DPP6: variants seen among roughly 807,000 people sequenced by gnomAD.
The protein encoded by DPP6 is dipeptidyl peptidase like 6.
A neutral mutation model predicts 122.6 loss-of-function variants in DPP6; 69 were observed. That is an observed-to-expected ratio of 0.56 (90% confidence interval 0.46 to 0.69). The LOEUF is 0.69. DPP6 is among the 30% of genes least tolerant of loss of function. The pLI, the probability that DPP6 is intolerant of heterozygous loss-of-function variation, is 0.00. For missense variants in DPP6, 928 were observed against 1,116.9 expected, an observed-to-expected ratio of 0.83 and a Z score of 2.41; for synonymous variants, 418 against 433.1, an observed-to-expected ratio of 0.97 and a Z score of 0.43.
At chr7:153,929,720 T>A (rs938579576) in intron 1 of DPP6, among the ~76,000 whole-genome samples, 9 of 152,186 alleles carry the variant, frequency 5.9e-5, no homozygotes, top group African/African-American at 2.2e-4. Flanking sequence ...TTCTCTGTAT[T>A]ACTAATTTTT....
chr7:154,399,139 T>A (rs1269259632), intron 1 of DPP6, among the ~76,000 whole-genome samples: 1 of 152,204 alleles, frequency 6.6e-6, no homozygotes, highest in East Asian at 1.9e-4. Flanking sequence ...CAATGAATCT[T>A]TAGATTCTGG....
intron 1 of DPP6, among the ~76,000 whole-genome samples, chr7:154,433,292 C>T (rs369329833): frequency 6.6e-6 from 1 of 151,518 alleles, no homozygotes; most frequent in East Asian, 2.0e-4. Flanking sequence ...ACAGGGACTA[C>T]AGGTGCATGC....
chr7:154,047,501 G>C (rs1366828533), upstream of DPP6, among the ~76,000 whole-genome samples: 1 of 148,510 alleles, frequency 6.7e-6, no homozygotes, highest in Non-Finnish European at 1.5e-5. Flanking sequence ...ATGGTCAAAT[G>C]ATCACCAGGG....
intron 1 of DPP6, among the ~76,000 whole-genome samples, chr7:154,054,902 G>C (rs1030767020): frequency 1.3e-5 from 2 of 151,324 alleles, no homozygotes; most frequent in African/African-American, 4.9e-5. Context: ...TATTTCAGAT[G>C]ATCTCCATCT....
chr7:153,867,081 C>T, the DPP6 span, among the ~76,000 whole-genome samples: 52,151 of 151,976 alleles, frequency 0.34, 9,017 homozygotes, highest in Middle Eastern at 0.39. Flanking sequence ...AGTCAGGTAG[C>T]GTGATGCCTC....
intron 5 of DPP6, among the ~76,000 whole-genome samples, chr7:154,619,594 C>T (rs766200334): frequency 3.2e-4 from 49 of 152,174 alleles, no homozygotes; most frequent in Middle Eastern, 3.4e-3. Context: ...CATAACAATA[C>T]AGGTAAAAAT....
At chr7:154,171,261 C>T (rs957355773) in intron 1 of DPP6, among the ~76,000 whole-genome samples, 10 of 152,188 alleles carry the variant, frequency 6.6e-5, no homozygotes, top group Admixed American at 2.0e-4. Flanking sequence ...GCCAAATATA[C>T]GCTTCAACAA....
intron 1 of DPP6, among the ~76,000 whole-genome samples, chr7:154,413,136 A>G (rs1166916163): frequency 6.6e-6 from 1 of 152,194 alleles, no homozygotes; most frequent in Non-Finnish European, 1.5e-5. Context: ...GCTGCCCTAA[A>G]GTGGTCCTCG....
At chr7:154,285,731 A>T (rs531956189) in intron 1 of DPP6, among the ~76,000 whole-genome samples, 1 of 152,362 alleles carries the variant, frequency 6.6e-6, no homozygotes, top group South Asian at 2.1e-4. Context: ...GAGAAAAGGT[A>T]TTGATATCAC....
At chr7:154,730,431 C>G (rs1842281617) in intron 8 of DPP6, among the ~76,000 whole-genome samples, 1 of 152,154 alleles carries the variant, frequency 6.6e-6, no homozygotes, top group Non-Finnish European at 1.5e-5. Context: ...TTCCTGAGGA[C>G]TGTGTGAGAC....
intron 1 of DPP6, among the ~76,000 whole-genome samples, chr7:154,443,640 A>G (rs569888047): frequency 1.3e-5 from 2 of 148,160 alleles, no homozygotes; most frequent in Admixed American, 1.3e-4. Flanking sequence ...ATGTGGATGG[A>G]TGGATGGATG....
intron 1 of DPP6, among the ~76,000 whole-genome samples, chr7:154,315,583 A>G (rs1327781217): frequency 6.6e-6 from 1 of 152,096 alleles, no homozygotes; most frequent in African/African-American, 2.4e-5. Flanking sequence ...TCAGTGCTCA[A>G]AGCTTACATA....
chr7:154,886,777 G>A (rs192070538), intron 22 of DPP6, among the ~76,000 whole-genome samples: 53 of 152,306 alleles, frequency 3.5e-4, no homozygotes, highest in African/African-American at 1.1e-3. Flanking sequence ...TGTGCTGGCC[G>A]AGCCCTGTAG....
intron 10 of DPP6, among the ~76,000 whole-genome samples, chr7:154,782,404 T>TA (rs1389105252): frequency 6.6e-6 from 1 of 152,238 alleles, no homozygotes; most frequent in Non-Finnish European, 1.5e-5. Context: ...TTGCGTCTTT[T>TA]AGCACTCAGC....
chr7:154,715,983 G>T (rs560409718), intron 7 of DPP6, among the ~76,000 whole-genome samples: 1 of 152,086 alleles, frequency 6.6e-6, no homozygotes, highest in South Asian at 2.1e-4. Context: ...TAGGTGTGAG[G>T]ATGAGAAATC....
intron 3 of DPP6, among the ~76,000 whole-genome samples, chr7:154,531,848 T>A (rs1439648230): frequency 6.6e-6 from 1 of 152,052 alleles, no homozygotes; most frequent in African/African-American, 2.4e-5. Flanking sequence ...TTCTGGACTT[T>A]GAAAATTTAA....
intron 3 of DPP6, among the ~76,000 whole-genome samples, chr7:154,496,572 C>T (rs910817169): frequency 2.0e-5 from 3 of 152,208 alleles, no homozygotes; most frequent in Non-Finnish European, 4.4e-5. Context: ...GAAAGTCAAG[C>T]TCCTTTGAAC....
At chr7:154,658,874 G>A (rs936520335) in intron 6 of DPP6, among the ~76,000 whole-genome samples, 3 of 152,214 alleles carry the variant, frequency 2.0e-5, no homozygotes, top group Admixed American at 2.0e-4. Context: ...CATTCCCAAA[G>A]GTCATTCTCA....
chr7:154,359,656 T>C (rs1811563385), intron 1 of DPP6, among the ~76,000 whole-genome samples: 1 of 152,180 alleles, frequency 6.6e-6, no homozygotes, highest in Non-Finnish European at 1.5e-5. Context: ...ATGTCTGGCA[T>C]GGTGAGCCCT....
Sources: allele counts gnomAD v4.1 joint callset (sites outside exome capture counted in the v4.1 genomes callset), GRCh38; gene constraint gnomAD v4.1.1; transcripts MANE v1.5; gene names NCBI Gene and HGNC (gene_info 2026-07-23, HGNC 2026-07-21).